Variants in LRRFIP1 observed in about 807,000 individuals in gnomAD.
LRRFIP1 encodes LRR binding FLII interacting protein 1, also known as leucine-rich repeat flightless-interacting protein 1.
A neutral mutation model predicts 104.4 loss-of-function variants in LRRFIP1; 62 were observed. The ratio of observed to expected loss-of-function variants is 0.59; its 90% CI spans 0.48 to 0.73. The LOEUF (loss-of-function observed/expected upper bound fraction) is 0.73, where lower values mean the gene tolerates loss of function less well. LRRFIP1 is among the 30% of genes least tolerant of loss of function. LRRFIP1 has a pLI of 0.00. For missense variants in LRRFIP1, 796 were observed against 824.5 expected (o/e 0.97, Z 0.42); for synonymous variants, 300 against 299.0 (o/e 1.00, Z -0.03).
At chr2:237,721,690 T>C (rs1455480826) in intron 6 of LRRFIP1, 2 of 152,240 alleles carry the variant, frequency 1.3e-5, no homozygotes, top group African/African-American at 4.8e-5. Flanking sequence ...TTCTTATACA[T>C]GCACTGAGTG....
At chr2:237,771,565 CG>C (rs150728934) in intron 20 of LRRFIP1, among the ~76,000 whole-genome samples, 1,129 of 83,850 alleles carry the variant, frequency 0.013, 92 homozygotes, top group East Asian at 0.065. Context: ...CCCCCCCCCC[CG>C]CCCAGATACC....
chr2:237,767,990 C>G (rs1353227824), intron 19 of LRRFIP1, among the ~76,000 whole-genome samples: 1 of 152,196 alleles, frequency 6.6e-6, no homozygotes, highest in East Asian at 1.9e-4. Context: ...TCCCTATCTA[C>G]TGCCTCTCTT....
intron 19 of LRRFIP1, chr2:237,769,665 G>A (rs548911717): frequency 1.7e-5 from 7 of 404,048 alleles, no homozygotes; most frequent in South Asian, 3.5e-5. Context: ...TGGCCCTAGC[G>A]TTCTTGCATG....
At chr2:237,659,470 A>C (rs2087441535) in intron 1 of LRRFIP1, among the ~76,000 whole-genome samples, 1 of 151,882 alleles carries the variant, frequency 6.6e-6, no homozygotes, top group African/African-American at 2.4e-5. Flanking sequence ...TTAATGCTTC[A>C]TACCTCATAC....
At chr2:237,713,133 G>T (rs950879839) in intron 2 of LRRFIP1, among the ~76,000 whole-genome samples, 1 of 151,952 alleles carries the variant, frequency 6.6e-6, no homozygotes, top group South Asian at 2.1e-4. Context: ...CCCAAGGAAA[G>T]CATGGAGCGT....
intron 1 of LRRFIP1, among the ~76,000 whole-genome samples, chr2:237,642,298 C>T (rs75180374): frequency 0.11 from 17,054 of 152,252 alleles, 1,074 homozygotes; most frequent in African/African-American, 0.16. Flanking sequence ...TGGCTTCTGT[C>T]CCCAGCTTCA....
At chr2:237,655,651 G>A (rs1024697951) in intron 1 of LRRFIP1, among the ~76,000 whole-genome samples, 1 of 152,150 alleles carries the variant, frequency 6.6e-6, no homozygotes, top group South Asian at 2.1e-4. Context: ...GCTGATTTGG[G>A]TGCTCGTTTT....
intron 1 of LRRFIP1, among the ~76,000 whole-genome samples, chr2:237,676,962 C>T (rs1489264292): frequency 5.3e-5 from 8 of 152,224 alleles, no homozygotes; most frequent in Non-Finnish European, 1.2e-4. Flanking sequence ...CGCTGGCTTT[C>T]GTCTTCCTCC....
chr2:237,767,733 T>C (rs1236225851), intron 19 of LRRFIP1, among the ~76,000 whole-genome samples: 1 of 152,132 alleles, frequency 6.6e-6, no homozygotes, highest in African/African-American at 2.4e-5. Context: ...GGTTTGGGGC[T>C]CCTGTTTTCT....
chr2:237,762,483 T>G, intron 19 of LRRFIP1: 1 of 792,882 alleles, frequency 1.3e-6, no homozygotes, highest in Non-Finnish European at 2.0e-6. Context: ...CATGACTCTT[T>G]GATGACTCTG....
At position 237,750,048 on chromosome 2, in the gene LRRFIP1, C is replaced by T. The variant is rs575531463; in HGVS notation, c.795+724C>T. On this transcript the variant is annotated intron_variant, in intron 13 of 23. Coordinates refer to ENST00000308482, the MANE Select transcript of LRRFIP1 (RefSeq NM_001137550.2). ...CAGCTGAAAGGAGCCAGAACTGACTCAGATTCTGAATTTTCTAGTGCTTTA... is the reference window on the plus strand; with the variant it reads ...CAGCTGAAAGGAGCCAGAACTGACTTAGATTCTGAATTTTCTAGTGCTTTA... Among the ~76,000 whole-genome samples, 3 of 151,258 alleles carry T rather than the reference C, an allele frequency of 2.0e-5. No individual in the cohort carries two copies. The South Asian group carries it at 6.3e-4, about 32-fold the overall frequency.
intron 19 of LRRFIP1, chr2:237,769,518 A>G (rs914058003): frequency 5.4e-6 from 1 of 183,550 alleles, no homozygotes; most frequent in African/African-American, 2.3e-5. Context: ...TAGAAAGATA[A>G]ATACATCTGG....
chr2:237,738,153 G>A (rs1373097861), intron 10 of LRRFIP1, among the ~76,000 whole-genome samples: 1 of 152,122 alleles, frequency 6.6e-6, no homozygotes, highest in Non-Finnish European at 1.5e-5. Flanking sequence ...AGATCTGGAT[G>A]AGATCATGAG....
rs564587515 is a variant in LRRFIP1, at chr2:237,716,776, T to G, written c.202-986T>G. On this transcript the variant is annotated intron_variant, in intron 3 of 23. Coordinates refer to ENST00000308482, the MANE Select transcript of LRRFIP1 (RefSeq NM_001137550.2). Reference sequence around the variant, plus strand: ...TAAAAAGGAGAGAAGCAAAACCCCATTATTTGGGCCCATGACCTGGCTTCC... The same window carrying G: ...TAAAAAGGAGAGAAGCAAAACCCCAGTATTTGGGCCCATGACCTGGCTTCC... Among the ~76,000 whole-genome samples the G allele has an allele frequency of 3.3e-5, 5 of 152,338 alleles. No individual in the cohort carries two copies. In the South Asian group the frequency reaches 1.0e-3, roughly 32 times the overall value.
chr2:237,736,109 C>G (rs886173036), intron 10 of LRRFIP1, among the ~76,000 whole-genome samples: 2 of 152,206 alleles, frequency 1.3e-5, no homozygotes, highest in Non-Finnish European at 2.9e-5. Context: ...ACTTACTTGA[C>G]TAAATCCAGT....
intron 19 of LRRFIP1, chr2:237,764,179 A>G (rs199963203): frequency 2.9e-5 from 47 of 1,613,842 alleles, no homozygotes; most frequent in Non-Finnish European, 2.5e-5. Flanking sequence ...AGGAAGTCTC[A>G]GTGTGAAGGG....
chr2:237,741,980 A>T (rs1347164416), intron 11 of LRRFIP1, among the ~76,000 whole-genome samples: 2 of 152,196 alleles, frequency 1.3e-5, no homozygotes, highest in Admixed American at 1.3e-4. Context: ...TGACAATTGG[A>T]TTTTGTTAAG....
At chr2:237,657,834 A>C (rs1460968424) in intron 1 of LRRFIP1, among the ~76,000 whole-genome samples, 1 of 152,204 alleles carries the variant, frequency 6.6e-6, no homozygotes, top group African/African-American at 2.4e-5. Context: ...GTTCCATGGA[A>C]TCACTGAGAT....
Position 237,717,662 on chromosome 2 carries a change from G to A in LRRFIP1, c.202-100G>A, listed in dbSNP as rs111744900. 628 of 926,688 alleles carry A rather than the reference G, an allele frequency of 6.8e-4. 5 individuals carry two copies. The African/African-American group carries it at 7.2e-3, about 11-fold the overall frequency. The allele number at this position is 926,688 out of a possible 1,614,324, so 57.4% of individuals were successfully genotyped here. A position where few individuals can be genotyped will look rare whatever the true frequency, so the allele number is the denominator to read the frequency against. ...GGCGTGTTACCTTCACCACACGGCT[G>A]GATGGCGGTTTGGAAATGCATGTCA... On this transcript the variant is annotated intron_variant, in intron 3 of 23. Transcript: ENST00000308482. The surrounding 1 kb of genome is among the most constrained non-coding windows in gnomAD (Gnocchi z 4.2).
Sources: gnomAD v4.1 joint callset for allele counts (sites outside exome capture counted in the v4.1 genomes callset) on GRCh38, gnomAD v4.1.1 for gene constraint, Gnocchi (gnomAD v3.1) non-coding constraint, MANE v1.5 for transcripts, NCBI Gene and HGNC (gene_info 2026-07-23, HGNC 2026-07-21) for gene names.